Variants in CWC25 observed in about 807,000 individuals in gnomAD.
CWC25 encodes CWC25 spliceosome associated protein.
Under a neutral mutation model 54.6 loss-of-function variants are expected in CWC25, and 31 were observed. The ratio of observed to expected loss-of-function variants is 0.57; its 90% confidence interval spans 0.43 to 0.77. The LOEUF is 0.77. Among genes scored for constraint, CWC25 ranks in the 30% least tolerant of loss-of-function variants. The pLI is 0.00. For synonymous variants in CWC25, 151 were observed against 187.0 expected, an observed-to-expected ratio of 0.81 and a Z score of 1.57; for missense variants, 453 against 529.3, an observed-to-expected ratio of 0.86 and a Z score of 1.41.
chr17:38,815,174 AC>A, intron 2 of CWC25, 77 bp from the exon 3 acceptor site: 1 of 1,296,832 alleles, frequency 7.7e-7, no homozygotes, highest in South Asian at 1.3e-5. Context: ...AAACCTGGAC[AC>A]AAGGGAGAGA....
chr17:38,814,821 G>A (rs1911633407), intron 3 of CWC25, 40 bp downstream of exon 3: 1 of 1,423,258 alleles, frequency 7.0e-7, no homozygotes, highest in Non-Finnish European at 9.8e-7. Flanking sequence ...GGGTCTCAAA[G>A]CATCTGTAAC....
rs367958160 is a variant in CWC25 at position 38,815,020 on chromosome 17, C to T, written c.269G>A (p.Arg90His). ...MVNRDEYLLG[R>H]PIDKYVFEKM... ...CTCAAAAACATATTTGTCAATGGGG[C>T]GCCCCAGCAGGTACTCGTCACGGTT... The change falls in exon 3 of 10, where the codon CGC becomes CAC. Residue 90 changes from arginine to histidine, a missense_variant. Arg to His is a conservative substitution (Grantham distance 29). Around this residue, in one of 2 missense-constraint regions of CWC25, gnomAD observed 444 missense variants for 499.2 expected, o/e 0.89. Coordinates refer to ENST00000614790, the MANE Select transcript of CWC25 (RefSeq NM_017748.5). 566 of 1,613,910 alleles carry T rather than the reference C, an allele frequency of 3.5e-4. 4 individuals carry two copies. In the South Asian group the frequency reaches 4.1e-3, roughly 12 times the overall value.
chr17:38,815,630 G>C (rs1190637757), intron 2 of CWC25: 1 of 1,268,598 alleles, frequency 7.9e-7, no homozygotes, highest in Non-Finnish European at 1.0e-6. Flanking sequence ...CTCACATAAA[G>C]CAATTTATAA....
rs1249971454 is a variant in CWC25 at position 38,807,712 on chromosome 17, C to T, written c.691-736G>A. On this transcript the variant is annotated intron_variant, in intron 6 of 9. Coordinates refer to ENST00000614790, the MANE Select transcript of CWC25 (RefSeq NM_017748.5). ...TCAAGACAGCAGTGAGCCAGGATCACACCACTGCACTCCAGCTTGGATGAG... is the reference window on the plus strand; with the variant it reads ...TCAAGACAGCAGTGAGCCAGGATCATACCACTGCACTCCAGCTTGGATGAG... Among the ~76,000 whole-genome samples, 2 of 132,472 alleles carry T rather than the reference C, an allele frequency of 1.5e-5. 1 individual carries two copies. The highest frequency in any genetic ancestry group is 3.2e-5 in the Non-Finnish European group (2 of 61,580). 86.9% of individuals were successfully genotyped at this position (132,472 alleles called of 152,430 possible).
Position 38,810,526 on chromosome 17 carries a change from T to C in CWC25, c.568A>G (p.Lys190Glu). 1 of 1,605,266 alleles carries C rather than the reference T, an allele frequency of 6.2e-7. No individual in the cohort carries two copies. The highest frequency in any genetic ancestry group is 1.1e-5 in the South Asian group (1 of 89,068). Residue 190 changes from lysine to glutamate, a missense_variant, in exon 5 of 10, where the codon AAG becomes GAG. Physicochemically the swap from Lys to Glu is moderately conservative, Grantham distance 56. This residue lies in a region of CWC25 where 444 missense variants were observed against 499.2 expected (regional missense o/e 0.89). Coordinates refer to ENST00000614790, the MANE Select transcript of CWC25 (RefSeq NM_017748.5). ...KEKKKKHKKHKHRSSSSDRSS... is the reference protein window; with the variant it reads ...KEKKKKHKKHEHRSSSSDRSS... Reference sequence around the variant, plus strand: ...CGATCACTACTCGAGCTTCTGTGCTTATGTTTCTTGTGCTTCTTTTTCTTC... The same window carrying C: ...CGATCACTACTCGAGCTTCTGTGCTCATGTTTCTTGTGCTTCTTTTTCTTC...
chr17:38,821,332 G>T (rs1304338724), intron 1 of CWC25, among the ~76,000 whole-genome samples: 1 of 152,110 alleles, frequency 6.6e-6, no homozygotes, highest in Non-Finnish European at 1.5e-5. Context: ...AGGCGGAGGC[G>T]GGAAGATCAC....
chr17:38,808,950 A>G (rs1911368114), intron 6 of CWC25, among the ~76,000 whole-genome samples: 1 of 146,270 alleles, frequency 6.8e-6, no homozygotes, highest in African/African-American at 2.5e-5. Flanking sequence ...CCACCTCAAA[A>G]AAAAAAAAAA....
intron 1 of CWC25, among the ~76,000 whole-genome samples, chr17:38,824,496 G>A (rs1295961065): frequency 6.6e-6 from 1 of 151,962 alleles, no homozygotes; most frequent in Non-Finnish European, 1.5e-5. Flanking sequence ...AGACCAGCCT[G>A]ACCAACATGG....
intron 8 of CWC25, 91 bp from the exon 9 acceptor site, chr17:38,802,952 G>C: frequency 6.8e-7 from 1 of 1,475,312 alleles, no homozygotes; most frequent in Non-Finnish European, 9.3e-7. Flanking sequence ...GGGACCCCAA[G>C]CTCTCCAGTT....
chr17:38,810,461 T>C lies in CWC25; in HGVS notation c.626+7A>G. 6.4e-7 allele frequency: 1 copy of C among 1,551,240 alleles called. No homozygotes were observed. The highest frequency in any genetic ancestry group is 1.2e-5 in the South Asian group (1 of 80,378). On this transcript the variant is annotated splice_region_variant and intron_variant, in intron 5 of 9. Coordinates refer to ENST00000614790, the MANE Select transcript of CWC25 (RefSeq NM_017748.5). ...ACGAGAAGGGAGGCCAGTCGCCACA[T>C]GCTCACCTCCCTGCACTGTGCTCAT... is the stretch of plus-strand genomic sequence containing the variant.
chr17:38,810,047 G>A (rs1008397547), intron 5 of CWC25, among the ~76,000 whole-genome samples: 1 of 152,066 alleles, frequency 6.6e-6, no homozygotes, highest in Non-Finnish European at 1.5e-5. Flanking sequence ...TAGTGACTCA[G>A]CAGCGGCGGA....
intron 8 of CWC25, among the ~76,000 whole-genome samples, chr17:38,806,033 A>G (rs1911221608): frequency 6.6e-6 from 1 of 151,658 alleles, no homozygotes; most frequent in Non-Finnish European, 1.5e-5. Context: ...GATGGTCTCG[A>G]CCTCCTGACC....
At chr17:38,814,242 C>T (rs1054842589) in intron 3 of CWC25, among the ~76,000 whole-genome samples, 2 of 151,724 alleles carry the variant, frequency 1.3e-5, no homozygotes, top group Admixed American at 6.6e-5. Context: ...GATGGTTGCA[C>T]AACACTTTGA....
At chr17:38,803,886 A>T (rs914996878) in intron 8 of CWC25, among the ~76,000 whole-genome samples, 13 of 151,286 alleles carry the variant, frequency 8.6e-5, no homozygotes, top group Non-Finnish European at 1.0e-4. Context: ...CAAAAAAAAA[A>T]TTTTTTTTTA....
At position 38,822,632 on chromosome 17, in the gene CWC25, AG is replaced by A. The variant is rs199811814; in HGVS notation, c.19-1560del. Among the ~76,000 whole-genome samples, 76 of 152,256 alleles carry A rather than the reference AG, an allele frequency of 5.0e-4. 1 individual carries two copies. In the East Asian group the frequency reaches 0.012, roughly 25 times the overall value. ...TGTAAACTAGCCTGGTGATGTGTGA[AG>A]GGGAGATGAGGGGGGTAGATTTCCA... On this transcript the variant is annotated intron_variant, in intron 1 of 9. Coordinates refer to ENST00000614790, the MANE Select transcript of CWC25 (RefSeq NM_017748.5).
chr17:38,818,889 A>C (rs535481086), intron 2 of CWC25, among the ~76,000 whole-genome samples: 2 of 152,238 alleles, frequency 1.3e-5, no homozygotes, highest in East Asian at 3.9e-4. Context: ...CAAAAGCCCA[A>C]ATTTCTGATA....
intron 3 of CWC25, among the ~76,000 whole-genome samples, chr17:38,814,538 T>C (rs1026238272): frequency 2.0e-5 from 3 of 151,116 alleles, no homozygotes; most frequent in Admixed American, 6.6e-5. Context: ...GGTCAGGAGA[T>C]CGAGACCATC....
intron 8 of CWC25, 135 bp downstream of exon 8, chr17:38,806,162 C>A: frequency 1.3e-6 from 1 of 756,298 alleles, no homozygotes; most frequent in South Asian, 1.7e-5. Flanking sequence ...GGGACGCAGA[C>A]CCTTACAGGT....
At chr17:38,810,731 T>C in intron 4 of CWC25, 136 bp from the exon 5 acceptor site, 1 of 652,666 alleles carries the variant, frequency 1.5e-6, no homozygotes, top group Non-Finnish European at 2.8e-6. Flanking sequence ...GAGACCAGCC[T>C]GGCCAACATG....
Sources: allele counts gnomAD v4.1 joint callset (sites outside exome capture counted in the v4.1 genomes callset), GRCh38; gene constraint gnomAD v4.1.1; regional missense constraint gnomAD v4.1.1; transcripts MANE v1.5; gene names NCBI Gene and HGNC (gene_info 2026-07-23, HGNC 2026-07-21).